The following NTRK3 variants were observed in gnomAD, a reference collection of about 807,000 sequenced individuals.
The protein encoded by NTRK3 is neurotrophic receptor tyrosine kinase 3.
In NTRK3, 24 loss-of-function variants were observed where a neutral mutation model predicts 91.7. That is an observed-to-expected ratio of 0.26 (90% CI 0.19 to 0.37). NTRK3 has a LOEUF of 0.37. Among genes scored for constraint, NTRK3 ranks in the 10% least tolerant of loss-of-function variants. The pLI is 1.00. For missense variants in NTRK3, 880 were observed against 1,068.9 expected (o/e 0.82, Z 2.46); for synonymous variants, 483 against 404.0 (o/e 1.20, Z -2.34).
intron 18 of NTRK3, among the ~76,000 whole-genome samples, chr15:87,877,322 G>A (rs146026662): frequency 6.6e-6 from 1 of 152,176 alleles, no homozygotes; most frequent in Non-Finnish European, 1.5e-5. Flanking sequence ...AGCAGTGGCT[G>A]GTGGAGTCCT....
At chr15:88,031,901 C>A (rs1156498485) in intron 14 of NTRK3, among the ~76,000 whole-genome samples, 1 of 152,096 alleles carries the variant, frequency 6.6e-6, no homozygotes, top group African/African-American at 2.4e-5. Context: ...CCCACTGAGA[C>A]ATGAAAAGAA....
At chr15:88,022,648 G>T (rs1046275138) in intron 14 of NTRK3, among the ~76,000 whole-genome samples, 2 of 152,072 alleles carry the variant, frequency 1.3e-5, no homozygotes, top group Non-Finnish European at 2.9e-5. Flanking sequence ...TCCATATTCT[G>T]CCCACCTTCA....
At chr15:88,009,475 A>G (rs1343692486) in intron 14 of NTRK3, among the ~76,000 whole-genome samples, 1 of 152,210 alleles carries the variant, frequency 6.6e-6, no homozygotes, top group African/African-American at 2.4e-5. Flanking sequence ...GCAGAAATGC[A>G]AGCCAATTTT....
In NTRK3 at chr15:88,197,179, C is replaced by T. The variant is rs899077897; in HGVS notation, c.249-12880G>A. Among the ~76,000 whole-genome samples the T allele has an allele frequency of 2.7e-5, 4 of 147,200 alleles. No individual in the cohort carries two copies. The Admixed American group carries it at 2.7e-4, about 10-fold the overall frequency. ...CCCTGGGCACAGTACATGGAAGGAC[C>T]ATGAAAGTATCATCCATTGACCACA... On this transcript the variant is annotated intron_variant, in intron 3 of 18. Transcript: ENST00000394480.
At chr15:87,908,341 A>G in intron 17 of NTRK3, 1 of 395,516 alleles carries the variant, frequency 2.5e-6, no homozygotes, top group Non-Finnish European at 4.5e-6. Flanking sequence ...TGGAAGTTAA[A>G]TGATGCTCCA....
chr15:87,997,857 T>C (rs2075815623), intron 14 of NTRK3, among the ~76,000 whole-genome samples: 1 of 152,126 alleles, frequency 6.6e-6, no homozygotes, highest in South Asian at 2.1e-4. Flanking sequence ...CAAATAGCTG[T>C]AGAATGAGAA....
intron 17 of NTRK3, among the ~76,000 whole-genome samples, chr15:87,902,139 A>G (rs1039765851): frequency 1.3e-5 from 2 of 152,224 alleles, no homozygotes; most frequent in African/African-American, 4.8e-5. Flanking sequence ...CAGCCCAGAG[A>G]GCACTCATAA....
At chr15:88,251,278 T>C (rs1048487088) in intron 3 of NTRK3, among the ~76,000 whole-genome samples, 1 of 152,248 alleles carries the variant, frequency 6.6e-6, no homozygotes, top group South Asian at 2.1e-4. Flanking sequence ...CCCCAGGAGA[T>C]GCCCTTAAAA....
chr15:88,111,561 G>A (rs143587483), intron 13 of NTRK3, among the ~76,000 whole-genome samples: 61 of 152,316 alleles, frequency 4.0e-4, no homozygotes, highest in African/African-American at 1.4e-3. Context: ...AGAATAATCT[G>A]TCAAGGGCTT....
chr15:87,938,375 G>T (rs2069497361), intron 15 of NTRK3, among the ~76,000 whole-genome samples: 1 of 152,096 alleles, frequency 6.6e-6, no homozygotes, highest in African/African-American at 2.4e-5. Flanking sequence ...CAAAAGGAAG[G>T]GTCTTGCAAA....
At chr15:88,183,486 G>A in exon 5 of NTRK3, 2 of 1,614,108 alleles carry the variant, frequency 1.2e-6, no homozygotes, top group Non-Finnish European at 1.7e-6. Context: ...AGTTCTTGAT[G>A]GTCCTAGACA....
At chr15:87,868,661 G>T in exon 19 of NTRK3, 1 of 219,956 alleles carries the variant, frequency 4.5e-6, no homozygotes. Flanking sequence ...GTAATCAATG[G>T]CCCTATTTTG....
intron 16 of NTRK3, 45 bp downstream of exon 16, chr15:87,932,967 C>T (rs760778298): frequency 3.0e-5 from 49 of 1,607,518 alleles, no homozygotes; most frequent in East Asian, 2.0e-4. Context: ...CCCAAGGGTT[C>T]GGTGGGACTG....
In NTRK3 at chr15:87,947,174, C is replaced by T. The variant is rs138636298; in HGVS notation, c.1586-6421G>A. The stretch of plus-strand genomic sequence containing the variant: ...GATTACAGGCATCAGCCACCGTGCC[C>T]GGCCCTACAAGTCTCTTAAACACAA... On this transcript the variant is annotated intron_variant, in intron 14 of 18. Transcript: ENST00000394480. 2.6e-3 allele frequency among the ~76,000 whole-genome samples: 401 copies of T among 152,094 alleles called. 2 individuals are homozygous for T. Among genetic ancestry groups the T allele is most frequent in the African/African-American group, 9.2e-3 (381 of 41,502 alleles).
At chr15:88,221,894 C>A (rs1347950834) in intron 3 of NTRK3, among the ~76,000 whole-genome samples, 3 of 152,182 alleles carry the variant, frequency 2.0e-5, no homozygotes, top group Non-Finnish European at 4.4e-5. Context: ...TTGGTCCCAA[C>A]AATATAAGAT....
intron 13 of NTRK3, among the ~76,000 whole-genome samples, chr15:88,040,614 T>A (rs1474364888): frequency 6.6e-6 from 1 of 152,220 alleles, no homozygotes; most frequent in Non-Finnish European, 1.5e-5. Flanking sequence ...AGCAACTCTA[T>A]GACTTACAGA....
At chr15:88,164,805 A>G (rs1280702699) in intron 5 of NTRK3, among the ~76,000 whole-genome samples, 1 of 152,104 alleles carries the variant, frequency 6.6e-6, no homozygotes, top group Non-Finnish European at 1.5e-5. Flanking sequence ...TTTATTCACC[A>G]ACAGTGTCAT....
At chr15:88,104,932 C>T (rs1016743656) in intron 13 of NTRK3, among the ~76,000 whole-genome samples, 2 of 152,210 alleles carry the variant, frequency 1.3e-5, no homozygotes, top group Non-Finnish European at 2.9e-5. Context: ...GCGAGTTGGG[C>T]TGTCCCTTTG....
chr15:88,229,700 T>C (rs1335578013), intron 3 of NTRK3, among the ~76,000 whole-genome samples: 1 of 152,196 alleles, frequency 6.6e-6, no homozygotes, highest in Non-Finnish European at 1.5e-5. Context: ...CACAGGTGGG[T>C]GCAGCCTCCC....
Sources: gnomAD v4.1 joint callset for allele counts (sites outside exome capture counted in the v4.1 genomes callset) on GRCh38, gnomAD v4.1.1 for gene constraint, MANE v1.5 for transcripts, NCBI Gene and HGNC (gene_info 2026-07-23, HGNC 2026-07-21) for gene names.